The following GOLIM4 variants were observed in gnomAD, a reference collection of about 807,000 sequenced individuals.
GOLIM4 encodes the protein golgi integral membrane protein 4.
A neutral mutation model predicts 107.4 loss-of-function variants in GOLIM4; 71 were observed. The ratio of observed to expected loss-of-function variants is 0.66; its 90% CI spans 0.55 to 0.81. GOLIM4 has a LOEUF of 0.81. GOLIM4 is among the 30% of genes least tolerant of loss of function. GOLIM4 has a pLI of 0.00. For synonymous variants in GOLIM4, 327 were observed against 294.8 expected, an observed-to-expected ratio of 1.11 and a Z score of -1.12; for missense variants, 830 against 826.1, an observed-to-expected ratio of 1.00 and a Z score of -0.06.
At chr3:168,040,704 G>C (rs1420262650) in intron 7 of GOLIM4, 82 bp downstream of exon 7, 5 of 837,432 alleles carry the variant, frequency 6.0e-6, no homozygotes, top group Non-Finnish European at 7.9e-6. Context: ...AGATTGGCTT[G>C]TAAGAGACTA....
intron 1 of GOLIM4, among the ~76,000 whole-genome samples, chr3:168,049,803 C>T (rs1427348094): frequency 6.6e-6 from 1 of 152,256 alleles, no homozygotes; most frequent in African/African-American, 2.4e-5. Context: ...CACCATTGTC[C>T]TCTTTTCAGG....
intron 1 of GOLIM4, among the ~76,000 whole-genome samples, chr3:168,088,913 A>C (rs1384145113): frequency 1.3e-5 from 2 of 152,222 alleles, no homozygotes; most frequent in African/African-American, 4.8e-5. Context: ...TTGGAACTTA[A>C]ACTAAAGGCT....
At chr3:168,011,179 G>A (rs1418844612) in intron 14 of GOLIM4, among the ~76,000 whole-genome samples, 1 of 149,600 alleles carries the variant, frequency 6.7e-6, no homozygotes, top group Non-Finnish European at 1.5e-5. Context: ...CAGGTCAGTG[G>A]GTGCGCGCAC....
At chr3:168,046,279 A>G (rs1165595172) in intron 3 of GOLIM4, among the ~76,000 whole-genome samples, 3 of 152,104 alleles carry the variant, frequency 2.0e-5, no homozygotes, top group Non-Finnish European at 2.9e-5. Flanking sequence ...TTTGGACTTT[A>G]AAATATTTTT....
chr3:168,018,529 T>G (rs1021500862), intron 14 of GOLIM4, among the ~76,000 whole-genome samples: 5 of 152,206 alleles, frequency 3.3e-5, no homozygotes, highest in African/African-American at 1.2e-4. Context: ...ATATCTATTG[T>G]ATTCATATTT....
chr3:168,036,756 C>T (rs1173187781), intron 8 of GOLIM4, 80 bp downstream of exon 8: 2 of 1,136,608 alleles, frequency 1.8e-6, no homozygotes, highest in East Asian at 4.9e-5. Flanking sequence ...GAAAAGTTGG[C>T]AATATTAAAA....
chr3:168,047,335 A>G (rs188391757), intron 2 of GOLIM4, among the ~76,000 whole-genome samples: 130 of 152,338 alleles, frequency 8.5e-4, no homozygotes, highest in African/African-American at 3.0e-3. Context: ...AAGGTGATTT[A>G]TTGCTATCCA....
intron 1 of GOLIM4, among the ~76,000 whole-genome samples, chr3:168,065,954 G>T (rs879886728): frequency 1.3e-5 from 2 of 152,192 alleles, no homozygotes; most frequent in Non-Finnish European, 2.9e-5. Context: ...AACATCCTCT[G>T]ATTCTCTGAT....
At chr3:168,022,994 C>T (rs1384691636) in intron 14 of GOLIM4, among the ~76,000 whole-genome samples, 2 of 152,150 alleles carry the variant, frequency 1.3e-5, no homozygotes, top group Admixed American at 6.5e-5. Context: ...TTCCTCTTGC[C>T]TCTTTCTTCT....
At position 168,029,770 on chromosome 3, in the gene GOLIM4, G is replaced by A; in HGVS notation, c.1433+10C>T. 3 of 1,610,900 alleles carry A rather than the reference G, an allele frequency of 1.9e-6. No individual in the cohort carries two copies. The South Asian group carries it at 3.3e-5, about 18-fold the overall frequency. ...GGCTGTCTTCGTTCATTAAGGAAGG[G>A]GAAGGCTACCGGAGCTGCTCCTGGT... On this transcript the variant is annotated intron_variant, in intron 10 of 15. Coordinates refer to ENST00000470487, the MANE Select transcript of GOLIM4 (RefSeq NM_014498.5).
intron 1 of GOLIM4, among the ~76,000 whole-genome samples, chr3:168,086,965 G>A (rs1167375127): frequency 4.6e-5 from 7 of 152,226 alleles, no homozygotes; most frequent in African/African-American, 1.7e-4. Flanking sequence ...TCTCAGCTTA[G>A]CTTAAGCTAC....
intron 14 of GOLIM4, among the ~76,000 whole-genome samples, chr3:168,015,315 C>T (rs1460699404): frequency 2.6e-4 from 39 of 148,230 alleles, no homozygotes; most frequent in Non-Finnish European, 5.0e-4. Flanking sequence ...ATAAAATACC[C>T]AGGAATCCAA....
intron 1 of GOLIM4, among the ~76,000 whole-genome samples, chr3:168,052,944 A>G (rs919944437): frequency 7.2e-5 from 11 of 152,262 alleles, no homozygotes; most frequent in African/African-American, 2.4e-4. Flanking sequence ...TTAATGCAGA[A>G]TAACACTGCA....
At chr3:168,028,086 T>G (rs1028429455) in intron 11 of GOLIM4, among the ~76,000 whole-genome samples, 1 of 152,196 alleles carries the variant, frequency 6.6e-6, no homozygotes, top group Admixed American at 6.5e-5. Context: ...GGAGCTGTAA[T>G]TTTTCCCCCA....
intron 8 of GOLIM4, among the ~76,000 whole-genome samples, chr3:168,035,738 A>C (rs1373177420): frequency 6.6e-6 from 1 of 152,204 alleles, no homozygotes; most frequent in African/African-American, 2.4e-5. Context: ...CTCCCATGAC[A>C]CAGTTTACCT....
At chr3:168,049,027 C>A (rs780911304) in intron 1 of GOLIM4, among the ~76,000 whole-genome samples, 6 of 152,176 alleles carry the variant, frequency 3.9e-5, no homozygotes, top group Non-Finnish European at 8.8e-5. Context: ...CACCATCAGC[C>A]ACAGCCAGAA....
chr3:168,042,340 C>T (rs762743408), intron 5 of GOLIM4, among the ~76,000 whole-genome samples: 37 of 152,038 alleles, frequency 2.4e-4, no homozygotes, highest in Non-Finnish European at 2.2e-4. Context: ...AATTTTAGTG[C>T]GATCTTGGCT....
chr3:168,030,340 G>A (rs1226860948), intron 9 of GOLIM4, among the ~76,000 whole-genome samples: 1 of 152,108 alleles, frequency 6.6e-6, no homozygotes, highest in Non-Finnish European at 1.5e-5. Context: ...TAAAATTTAT[G>A]TTCACAAGGC....
chr3:168,041,667 A>G (rs1719010425), intron 5 of GOLIM4, among the ~76,000 whole-genome samples, 193 bp from the exon 6 acceptor site: 1 of 152,162 alleles, frequency 6.6e-6, no homozygotes, highest in South Asian at 2.1e-4. Flanking sequence ...ATCTCAATCC[A>G]CTCTGGTTCA....
Sources: allele counts gnomAD v4.1 joint callset (sites outside exome capture counted in the v4.1 genomes callset), GRCh38; gene constraint gnomAD v4.1.1; transcripts MANE v1.5; gene names NCBI Gene and HGNC (gene_info 2026-07-23, HGNC 2026-07-21).